FRMD3: variants seen among roughly 807,000 people sequenced by gnomAD.
FRMD3 encodes FERM domain containing 3.
Under a neutral mutation model 70.2 loss-of-function variants are expected in FRMD3, and 33 were observed. That is an observed-to-expected ratio of 0.47 (90% confidence interval 0.36 to 0.63). The LOEUF (loss-of-function observed/expected upper bound fraction) is 0.63, where lower values mean the gene tolerates loss of function less well. Among genes scored for constraint, FRMD3 ranks in the 20% least tolerant of loss-of-function variants. The pLI is 0.00. For synonymous variants in FRMD3, 279 were observed against 255.9 expected (o/e 1.09, Z -0.86); for missense variants, 632 against 711.4 (o/e 0.89, Z 1.27).
intron 1 of FRMD3, among the ~76,000 whole-genome samples, chr9:83,407,867 C>CTCTTCTT (rs1826161074): frequency 1.6e-5 from 2 of 121,636 alleles, no homozygotes; most frequent in African/African-American, 4.1e-5. Flanking sequence ...CTCTCTCTCT[C>CTCTTCTT]TCTCTCATCT....
At chr9:83,550,391 C>T in the FRMD3 span, among the ~76,000 whole-genome samples, 1 of 152,058 alleles carries the variant, frequency 6.6e-6, no homozygotes, top group Non-Finnish European at 1.5e-5. Flanking sequence ...ATTCCCCCAC[C>T]TTTGTTCTTT....
chr9:83,581,866 T>A, the FRMD3 span, among the ~76,000 whole-genome samples: 2 of 152,166 alleles, frequency 1.3e-5, no homozygotes, highest in African/African-American at 4.8e-5. Flanking sequence ...TTATGTGAAA[T>A]GTCCAAAATA....
chr9:83,342,043 A>ATCTCTCTCTCTCTCTCTCTCTCTCTCTC (rs112748690), intron 5 of FRMD3, among the ~76,000 whole-genome samples: 3 of 139,654 alleles, frequency 2.1e-5, no homozygotes, highest in Non-Finnish European at 3.1e-5. Flanking sequence ...TGACATAGTC[A>ATCTCTCTCTCTCTCTCTCTCTCTCTCTC]TCTCTCTCTC....
chr9:83,444,067 A>T (rs1184295107), intron 1 of FRMD3, among the ~76,000 whole-genome samples: 1 of 152,262 alleles, frequency 6.6e-6, no homozygotes, highest in Non-Finnish European at 1.5e-5. Flanking sequence ...AATGCACAGA[A>T]AAAACATCTA....
the FRMD3 span, among the ~76,000 whole-genome samples, chr9:83,568,955 G>GATAGATAGATACATACATACATAC: frequency 3.8e-5 from 5 of 130,748 alleles, no homozygotes; most frequent in African/African-American, 1.2e-4. Context: ...TAGATAGATA[G>GATAGATAGATACATACATACATAC]ATACATACAT....
intron 1 of FRMD3, among the ~76,000 whole-genome samples, chr9:83,433,063 C>T (rs1201353314): frequency 6.6e-6 from 1 of 152,148 alleles, no homozygotes; most frequent in African/African-American, 2.4e-5. Context: ...AAAAAGACAT[C>T]ATTTTTTTCT....
the FRMD3 span, among the ~76,000 whole-genome samples, chr9:83,568,240 C>G: frequency 6.6e-6 from 1 of 152,076 alleles, no homozygotes; most frequent in African/African-American, 2.4e-5. Flanking sequence ...AGATTGGCAC[C>G]CAGGATTCAA....
chr9:83,472,780 G>GGATTT (rs142176785), intron 1 of FRMD3, among the ~76,000 whole-genome samples: 2,232 of 152,192 alleles, frequency 0.015, 51 homozygotes, highest in African/African-American at 0.051. Context: ...TGAGAAGAAA[G>GGATTT]GATTTGGGGT....
intron 13 of FRMD3, among the ~76,000 whole-genome samples, chr9:83,264,815 G>GA (rs5898820): frequency 6.7e-6 from 1 of 148,338 alleles, no homozygotes; most frequent in East Asian, 2.1e-4. Flanking sequence ...TGTGGGGGGA[G>GA]GGGGGAAGGT....
At chr9:83,435,955 G>C (rs1827122149) in intron 1 of FRMD3, among the ~76,000 whole-genome samples, 1 of 152,082 alleles carries the variant, frequency 6.6e-6, no homozygotes, top group African/African-American at 2.4e-5. Flanking sequence ...CCTTAATTTG[G>C]CTTGAGACAA....
At chr9:83,250,774 C>T (rs552907099) in intron 13 of FRMD3, among the ~76,000 whole-genome samples, 1 of 152,330 alleles carries the variant, frequency 6.6e-6, no homozygotes, top group Admixed American at 6.5e-5. Context: ...AGTGGGACCC[C>T]AATCCATTTC....
intron 10 of FRMD3, among the ~76,000 whole-genome samples, chr9:83,299,890 A>G (rs1351858812): frequency 6.6e-6 from 1 of 152,226 alleles, no homozygotes; most frequent in East Asian, 1.9e-4. Flanking sequence ...AGCAGCCTAG[A>G]GCCTGGGCTG....
Position 83,247,621 on chromosome 9 carries a change from C to T in FRMD3, c.*297G>A. 1 of 1,056,704 alleles carries T rather than the reference C, an allele frequency of 9.5e-7. No homozygotes were observed. Among genetic ancestry groups the T allele is most frequent in the Non-Finnish European group, 1.2e-6 (1 of 868,988 alleles). The allele number at this position is 1,056,704 out of a possible 1,614,324, so 65.5% of individuals were successfully genotyped here. On this transcript the variant is annotated 3_prime_UTR_variant, in exon 14 of 14. Transcript: ENST00000304195. ...AGAAATGGGAAAATCTAATTCAGTC[C>T]AATGTAACATGTATTATGATATAAT...
At chr9:83,446,443 C>T (rs1827466683) in intron 1 of FRMD3, among the ~76,000 whole-genome samples, 1 of 151,950 alleles carries the variant, frequency 6.6e-6, no homozygotes, top group Non-Finnish European at 1.5e-5. Flanking sequence ...GTCAGGAAAT[C>T]AAGACCATCC....
Position 83,381,285 on chromosome 9 carries a change from T to C in FRMD3, c.252+8319A>G, listed in dbSNP as rs576532575. ...ATGTAAGAAAATCCGCTGGGCACAG[T>C]GGTTCATGCCTATAATCCCAGCACT... On this transcript the variant is annotated intron_variant, in intron 2 of 13. Coordinates refer to ENST00000304195, the MANE Select transcript of FRMD3 (RefSeq NM_174938.6). Among the ~76,000 whole-genome samples the C allele has an allele frequency of 5.3e-5, 8 of 152,326 alleles. No individual in the cohort carries two copies. The South Asian group carries it at 6.2e-4, about 12-fold the overall frequency.
At chr9:83,323,344 C>A (rs74305404) in intron 6 of FRMD3, among the ~76,000 whole-genome samples, 11,772 of 152,220 alleles carry the variant, frequency 0.077, 668 homozygotes, top group East Asian at 0.22. Context: ...TGACTTAAAG[C>A]TACACGCTAT....
chr9:83,464,953 G>A (rs1191108743), intron 1 of FRMD3, among the ~76,000 whole-genome samples: 1 of 143,620 alleles, frequency 7.0e-6, no homozygotes, highest in Non-Finnish European at 1.6e-5. Flanking sequence ...CCAGGAGATT[G>A]AGGTTGCAGT....
chr9:83,469,402 T>C (rs1828211483), intron 1 of FRMD3, among the ~76,000 whole-genome samples: 1 of 152,198 alleles, frequency 6.6e-6, no homozygotes, highest in Admixed American at 6.5e-5. Flanking sequence ...CATTAGATGG[T>C]ATACCTACAG....
chr9:83,338,843 T>G (rs1436090945), intron 5 of FRMD3, among the ~76,000 whole-genome samples: 1 of 152,180 alleles, frequency 6.6e-6, no homozygotes, highest in East Asian at 1.9e-4. Context: ...GGCCATAAAC[T>G]GATGATTAAC....
Sources: gnomAD v4.1 joint callset for allele counts (sites outside exome capture counted in the v4.1 genomes callset) on GRCh38, gnomAD v4.1.1 for gene constraint, MANE v1.5 for transcripts, NCBI Gene and HGNC (gene_info 2026-07-23, HGNC 2026-07-21) for gene names.